Variants in CPS1 observed in about 807,000 individuals in gnomAD.
CPS1 encodes carbamoyl-phosphate synthase [ammonia], mitochondrial.
In CPS1, 109 loss-of-function variants were observed where a neutral mutation model predicts 174.6. The observed-to-expected ratio is 0.62, with a 90% CI of 0.53 to 0.73. The LOEUF (loss-of-function observed/expected upper bound fraction) is 0.73, where lower values mean the gene tolerates loss of function less well. Ranked by LOEUF, CPS1 falls within the 30% of genes least tolerant of loss-of-function variation. The pLI is 0.00. For synonymous variants in CPS1, 637 were observed against 632.0 expected (o/e 1.01, Z -0.12); for missense variants, 1,689 against 1,821.9 (o/e 0.93, Z 1.33).
chr2:210,506,554 A>G (rs1695291791), intron 1 of CPS1, among the ~76,000 whole-genome samples: 1 of 152,198 alleles, frequency 6.6e-6, no homozygotes, highest in Non-Finnish European at 1.5e-5. Context: ...AGCTGAGAGA[A>G]GGCTTCAGAC....
chr2:210,650,394 G>C lies in CPS1; in HGVS notation c.3436G>C (p.Asp1146His). Residue 1146 changes from aspartate to histidine, a missense_variant, in exon 28 of 38, where the codon GAT becomes CAT. Asp to His is a moderately conservative substitution (Grantham distance 81). Transcript: ENST00000233072. ...GSAMNVVFSE[D>H]EMKKFLEEAT... The stretch of plus-strand genomic sequence containing the variant: ...TGCTATGAATGTGGTATTCTCTGAG[G>C]ATGAGATGAAAAAATTCCTAGAAGA... 6.2e-7 allele frequency: 1 copy of C among 1,613,660 alleles called. No homozygotes were observed. Among genetic ancestry groups the C allele is most frequent in the Non-Finnish European group, 8.5e-7 (1 of 1,179,684 alleles).
Position 210,485,587 on chromosome 2 carries a change from A to G in CPS1, c.3+7821A>G, listed in dbSNP as rs527758733. On this transcript the variant is annotated intron_variant, in intron 1 of 38. Coordinates refer to the CPS1 transcript ENST00000430249. ...AGTATAATTATTTTTAGATTTATCT[A>G]TATTGCAGGTATTAATAGTCAATTT... Among the ~76,000 whole-genome samples the G allele has an allele frequency of 1.4e-4, 22 of 152,280 alleles. No homozygotes were observed. In the South Asian group the frequency reaches 4.6e-3, roughly 32 times the overall value.
intron 1 of CPS1, among the ~76,000 whole-genome samples, chr2:210,532,997 C>T (rs754250489): frequency 1.5e-4 from 23 of 152,108 alleles, no homozygotes; most frequent in Non-Finnish European, 3.2e-4. Context: ...TAGTGGACAA[C>T]ACCGTGAAAA....
chr2:210,491,033 C>T (rs1031824934), intron 1 of CPS1, among the ~76,000 whole-genome samples: 1 of 152,096 alleles, frequency 6.6e-6, no homozygotes, highest in Non-Finnish European at 1.5e-5. Context: ...ATGTTCCAGA[C>T]TAGGACACTT....
chr2:210,560,572 C>G (rs1400850075), intron 1 of CPS1, among the ~76,000 whole-genome samples: 1 of 152,146 alleles, frequency 6.6e-6, no homozygotes, highest in African/African-American at 2.4e-5. Context: ...AGTGTCCTCT[C>G]TGATACTTCA....
chr2:210,507,935 T>A (rs1695336503), intron 1 of CPS1, among the ~76,000 whole-genome samples: 1 of 151,796 alleles, frequency 6.6e-6, no homozygotes, highest in Admixed American at 6.6e-5. Context: ...AATGGGAGAC[T>A]TTAACACCCC....
intron 1 of CPS1, among the ~76,000 whole-genome samples, chr2:210,523,042 G>A (rs150345978): frequency 1.3e-5 from 2 of 151,998 alleles, no homozygotes; most frequent in Non-Finnish European, 2.9e-5. Context: ...AACTGAATTA[G>A]AAAATGGGAG....
At chr2:210,588,620 AAGG>A (rs781583877) in intron 7 of CPS1, among the ~76,000 whole-genome samples, 6 of 152,186 alleles carry the variant, frequency 3.9e-5, no homozygotes, top group Non-Finnish European at 5.9e-5. Flanking sequence ...AAAAATTCTC[AAGG>A]AGAACTTAAC....
chr2:210,602,249 G>C lies in CPS1; in HGVS notation c.1755G>C (p.Met585Ile). 1.2e-6 allele frequency: 2 copies of C among 1,612,484 alleles called. No individual in the cohort carries two copies. The highest frequency in any genetic ancestry group is 1.7e-4 in the Middle Eastern group (1 of 6,046). Residue 585 changes from methionine to isoleucine, a missense_variant, in exon 16 of 38, where the codon ATG becomes ATC. Met to Ile is a conservative substitution (Grantham distance 10). Coordinates refer to ENST00000233072, the MANE Select transcript of CPS1 (RefSeq NM_001875.5). ...CAGACACCATTGGCTACCCAGTGAT[G>C]ATCCGTTCCGCCTATGCACTGGGTG... The part of the protein sequence containing the change: ...KAADTIGYPV[M>I]IRSAYALGGL...
chr2:210,504,665 A>G (rs1384277053), intron 1 of CPS1, among the ~76,000 whole-genome samples: 2 of 152,314 alleles, frequency 1.3e-5, no homozygotes, highest in Non-Finnish European at 2.9e-5. Flanking sequence ...AGATTCTCCA[A>G]TTGGATAGTT....
chr2:210,477,814 G>A (rs750805386), intron 1 of CPS1: 1 of 1,605,634 alleles, frequency 6.2e-7, no homozygotes, highest in African/African-American at 1.3e-5. Flanking sequence ...ATGGGTGTTT[G>A]AAGGAGCAAC....
chr2:210,618,617 G>C (rs1232083237), intron 21 of CPS1: 1 of 152,100 alleles, frequency 6.6e-6, no homozygotes, highest in Non-Finnish European at 1.5e-5. Context: ...AACAAGAATA[G>C]ATGGCCACTA....
At position 210,658,371 on chromosome 2, in the gene CPS1, G is replaced by C. The variant is rs570926035; in HGVS notation, c.3667-228G>C. On this transcript the variant is annotated intron_variant, in intron 30 of 37. Coordinates refer to ENST00000233072, the MANE Select transcript of CPS1 (RefSeq NM_001875.5). ...AGGGGAATTTGGCAGAGAGATAATC[G>C]TGTACAATTATTTGTTCTTTTCCTA... The C allele has an allele frequency of 7.0e-5, 32 of 459,050 alleles. 2 individuals are homozygous for C. Among genetic ancestry groups the C allele is most frequent in the South Asian group, 6.6e-4 (31 of 46,800 alleles). The allele number at this position is 459,050 out of a possible 1,614,324, so 28.4% of individuals were successfully genotyped here.
At position 210,519,867 on chromosome 2, in the gene CPS1, A is replaced by G. The variant is rs77368219; in HGVS notation, c.4-36852A>G. The G allele has an allele frequency of 2.1e-3, 1,738 of 817,910 alleles. 22 individuals carry two copies. In the African/African-American group the frequency reaches 0.029, roughly 14 times the overall value. The allele number at this position is 817,910 out of a possible 1,614,324, so 50.7% of individuals were successfully genotyped here. ...AATGGCTTTGTTCTGGGTTGTAGTG[A>G]TATAATCAGAGATGCGTTCCAGCAT... On this transcript the variant is annotated intron_variant, in intron 1 of 38. Transcript: ENST00000430249.
At position 210,656,585 on chromosome 2, in the gene CPS1, A is replaced by C. The variant is rs1477068262; in HGVS notation, c.3619A>C (p.Thr1207Pro). The change falls in exon 30 of 38, where the codon ACT becomes CCT. Residue 1207 changes from threonine to proline, a missense_variant. Thr to Pro is a conservative substitution (Grantham distance 38). Transcript: ENST00000233072. Reference sequence around the variant, plus strand: ...TGCAGGTGTCCACTCGGGAGATGCCACTCTGATGCTGCCCACACAAACCAT... The same window carrying C: ...TGCAGGTGTCCACTCGGGAGATGCCCCTCTGATGCTGCCCACACAAACCAT... Reference protein sequence around the residue: ...EDAGVHSGDATLMLPTQTISQ... With the variant: ...EDAGVHSGDAPLMLPTQTISQ... 6.2e-7 allele frequency: 1 copy of C among 1,608,592 alleles called. No individual in the cohort carries two copies. The highest frequency in any genetic ancestry group is 1.1e-5 in the South Asian group (1 of 90,884).
Position 210,677,945 on chromosome 2 carries a change from T to C in CPS1, c.4463T>C (p.Leu1488Pro). The change falls in exon 38 of 38, where the codon CTT (leucine) becomes CCT (proline). Residue 1488 changes from leucine (L) to proline (P), a missense_variant. Physicochemically the swap from Leu to Pro is moderately conservative, Grantham distance 98. Coordinates refer to ENST00000233072, the MANE Select transcript of CPS1 (RefSeq NM_001875.5). ...QKSRKVDSKS[L>P]FHYRQYSAGK... The stretch of plus-strand genomic sequence containing the variant: ...TCTCGCAAGGTGGACTCCAAGAGTC[T>C]TTTCCACTACAGGCAGTACAGTGCT... 6.2e-7 allele frequency: 1 copy of C among 1,614,030 alleles called. No individual in the cohort carries two copies. Among genetic ancestry groups the C allele is most frequent in the Non-Finnish European group, 8.5e-7 (1 of 1,179,914 alleles).
At chr2:210,645,328 TC>T in intron 25 of CPS1, among the ~76,000 whole-genome samples, 1 of 150,456 alleles carries the variant, frequency 6.6e-6, no homozygotes, top group East Asian at 1.9e-4. Context: ...TCTACTACTT[TC>T]CAAAAAAAAA....
chr2:210,637,958 C>T (rs149494458), intron 22 of CPS1, 115 bp downstream of exon 22: 1 of 1,158,896 alleles, frequency 8.6e-7, no homozygotes, highest in Non-Finnish European at 1.3e-6. Context: ...TAAGAAGTGA[C>T]AATACTCATC....
intron 1 of CPS1, among the ~76,000 whole-genome samples, chr2:210,515,783 T>A (rs7594883): frequency 1.3e-5 from 2 of 151,726 alleles, no homozygotes; most frequent in Non-Finnish European, 2.9e-5. Context: ...CCTGTAGGTG[T>A]GATGTTAGAT....
Sources: allele counts gnomAD v4.1 joint callset (sites outside exome capture counted in the v4.1 genomes callset), GRCh38; gene constraint gnomAD v4.1.1; transcripts MANE v1.5; gene names NCBI Gene and HGNC (gene_info 2026-07-23, HGNC 2026-07-21).